MSH4: variants seen among roughly 807,000 people sequenced by gnomAD.
The protein encoded by MSH4 is mutS homolog 4.
A neutral mutation model predicts 113.7 loss-of-function variants in MSH4; 106 were observed. The ratio of observed to expected loss-of-function variants is 0.93; its 90% CI spans 0.80 to 1.10. The LOEUF (loss-of-function observed/expected upper bound fraction) is 1.10. Among genes scored for constraint, MSH4 ranks in the 50% least tolerant of loss-of-function variants. The probability of loss-of-function intolerance (pLI) is 0.00; values close to 1 mark genes in which losing one functional copy is unlikely to be tolerated. For synonymous variants in MSH4, 368 were observed against 380.2 expected, an observed-to-expected ratio of 0.97 and a Z score of 0.37; for missense variants, 1,061 against 1,093.7, an observed-to-expected ratio of 0.97 and a Z score of 0.42.
intron 14 of MSH4, among the ~76,000 whole-genome samples, chr1:75,883,058 G>T (rs1281514846): frequency 1.3e-5 from 2 of 151,564 alleles, no homozygotes; most frequent in African/African-American, 4.9e-5. Context: ...AGGCTGGAGT[G>T]CAGTGGCACA....
In MSH4 at chr1:75,886,370, T is replaced by G. The variant is rs374447064; in HGVS notation, c.2107+2549T>G. Among the ~76,000 whole-genome samples, 109 of 41,706 alleles carry G rather than the reference T, an allele frequency of 2.6e-3. 35 individuals carry two copies. The highest frequency in any genetic ancestry group is 3.0e-3 in the Admixed American group (11 of 3,670). The allele number at this position is 41,706 out of a possible 152,430, so 27.4% of individuals were successfully genotyped here. A position where few individuals can be genotyped will look rare whatever the true frequency, so the allele number is the denominator to read the frequency against. On this transcript the variant is annotated intron_variant, in intron 15 of 19. Transcript: ENST00000263187. ...TATTATATATGGTATATATGATGTA[T>G]TATATATTATATATGGTATATATGA...
rs35871615 is a variant in MSH4, at chr1:75,800,872, TA to T, written c.245-2858del. On this transcript the variant is annotated intron_variant, in intron 1 of 19. Coordinates refer to ENST00000263187, the MANE Select transcript of MSH4 (RefSeq NM_002440.4). ...TGTGATAATAGAAACGTTTCATACT[TA>T]TGCTGTCCGATGTGGTAACTAGTAG... is the stretch of plus-strand genomic sequence containing the variant. 8.5e-3 allele frequency among the ~76,000 whole-genome samples: 1,288 copies of T among 152,310 alleles called. 63 individuals carry two copies. The highest frequency in any genetic ancestry group is 0.074 in the Admixed American group (1,131 of 15,298).
chr1:75,866,285 T>C (rs1651561232), intron 8 of MSH4, among the ~76,000 whole-genome samples: 1 of 151,940 alleles, frequency 6.6e-6, no homozygotes, highest in Non-Finnish European at 1.5e-5. Context: ...CCTCAGCCTC[T>C]ATGTAGCTGG....
chr1:75,912,662 A>G (rs752762077), intron 19 of MSH4, 34 bp from the exon 20 acceptor site: 17 of 1,062,306 alleles, frequency 1.6e-5, no homozygotes, highest in African/African-American at 9.2e-5. Flanking sequence ...GTATTTGTGT[A>G]TATATATATA....
At chr1:75,810,882 AT>A (rs1362222276) in intron 4 of MSH4, 75 bp downstream of exon 4, 7 of 732,736 alleles carry the variant, frequency 9.6e-6, no homozygotes, top group South Asian at 7.4e-5. Flanking sequence ...TTATTTATTT[AT>A]TTTTTTGAGA....
intron 19 of MSH4, among the ~76,000 whole-genome samples, chr1:75,907,684 C>CTCTCTCTCTACATA (rs1307238647): frequency 6.4e-5 from 3 of 46,574 alleles, no homozygotes; most frequent in Admixed American, 3.4e-4. Context: ...CTCTCTCTCT[C>CTCTCTCTCTACATA]TATACATATA....
intron 1 of MSH4, among the ~76,000 whole-genome samples, chr1:75,799,444 T>G (rs370611002): frequency 2.0e-5 from 3 of 152,140 alleles, no homozygotes; most frequent in Admixed American, 2.0e-4. Flanking sequence ...AAGAAATAAC[T>G]GTATTTGAGG....
At chr1:75,819,232 C>T (rs1045909861) in intron 6 of MSH4, among the ~76,000 whole-genome samples, 6 of 152,308 alleles carry the variant, frequency 3.9e-5, no homozygotes, top group Non-Finnish European at 8.8e-5. Flanking sequence ...TGGCTCATGC[C>T]TGTAATCCCA....
chr1:75,806,189 CTTTATATA>C (rs1219381132), intron 2 of MSH4, among the ~76,000 whole-genome samples: 1 of 137,530 alleles, frequency 7.3e-6, no homozygotes, highest in Non-Finnish European at 1.6e-5. Context: ...TGTAGCAATA[CTTTATATA>C]TTCTGAGTAA....
At chr1:75,831,831 C>G (rs1307566167) in intron 7 of MSH4, among the ~76,000 whole-genome samples, 1 of 152,082 alleles carries the variant, frequency 6.6e-6, no homozygotes, top group Non-Finnish European at 1.5e-5. Flanking sequence ...CAAGAGAAAG[C>G]AGGAAAGATC....
chr1:75,874,425 C>T (rs1404626113), intron 9 of MSH4, among the ~76,000 whole-genome samples: 1 of 152,078 alleles, frequency 6.6e-6, no homozygotes, highest in Non-Finnish European at 1.5e-5. Flanking sequence ...CTTCTAGGCT[C>T]AAGTAATCCT....
chr1:75,870,004 G>A (rs1278874773), intron 9 of MSH4, among the ~76,000 whole-genome samples: 1 of 152,156 alleles, frequency 6.6e-6, no homozygotes, highest in African/African-American at 2.4e-5. Context: ...GCAGCTGCAG[G>A]GTTCAGGGGG....
chr1:75,899,408 A>G (rs1271599391), intron 18 of MSH4, among the ~76,000 whole-genome samples: 2 of 152,114 alleles, frequency 1.3e-5, no homozygotes, highest in Non-Finnish European at 2.9e-5. Context: ...AATTTGCCCT[A>G]TGTGTCTTGG....
chr1:75,895,350 A>G (rs1183398656), intron 17 of MSH4, among the ~76,000 whole-genome samples: 3 of 152,280 alleles, frequency 2.0e-5, no homozygotes, highest in South Asian at 4.1e-4. Context: ...GAAAACTACA[A>G]CCCAACCCAG....
chr1:75,815,077 G>A lies in MSH4; in HGVS notation c.756G>A (p.Glu252=), dbSNP rs373071390. The A allele has an allele frequency of 1.3e-5, 21 of 1,607,716 alleles. No individual in the cohort carries two copies. Among genetic ancestry groups the A allele is most frequent in the Non-Finnish European group, 1.6e-5 (19 of 1,176,616 alleles). Residue 252 remains glutamate, a synonymous_variant, in exon 5 of 20, where the codon GAG becomes GAA. Transcript: ENST00000263187. ...RKYFNETKGL[E]YIEQLCIAEF... ...ACTTCAATGAAACAAAAGGATTAGAGTACATTGAACAGTTATGCATAGCAG... is the reference window on the plus strand; with the variant it reads ...ACTTCAATGAAACAAAAGGATTAGAATACATTGAACAGTTATGCATAGCAG...
At chr1:75,858,170 G>A (rs1227474406) in intron 8 of MSH4, among the ~76,000 whole-genome samples, 2 of 152,206 alleles carry the variant, frequency 1.3e-5, no homozygotes, top group African/African-American at 4.8e-5. Context: ...TTTGAGCTGA[G>A]ACAATGGGGT....
chr1:75,898,105 T>C, intron 18 of MSH4, 24 bp downstream of exon 18: 1 of 1,441,788 alleles, frequency 6.9e-7, no homozygotes, highest in Non-Finnish European at 9.3e-7. Flanking sequence ...AAATTATACC[T>C]ATACATTCAA....
intron 15 of MSH4, among the ~76,000 whole-genome samples, chr1:75,888,186 C>CT (rs956098711): frequency 3.3e-5 from 5 of 151,304 alleles, no homozygotes; most frequent in Admixed American, 2.6e-4. Context: ...ATTCTTTACC[C>CT]TTTTTTTGTT....
intron 16 of MSH4, 107 bp downstream of exon 16, chr1:75,889,476 C>G: frequency 1.9e-6 from 1 of 525,664 alleles, no homozygotes; most frequent in Admixed American, 3.3e-5. Context: ...GTTGCTTATA[C>G]CCTTTTCTAA....
Sources: gnomAD v4.1 joint callset for allele counts (sites outside exome capture counted in the v4.1 genomes callset) on GRCh38, gnomAD v4.1.1 for gene constraint, MANE v1.5 for transcripts, NCBI Gene and HGNC (gene_info 2026-07-23, HGNC 2026-07-21) for gene names.